Variants in SCAF1 observed in about 807,000 individuals in gnomAD.
SCAF1 encodes the protein splicing factor, arginine/serine-rich 19.
SCAF1 carries 28 observed loss-of-function variants against 91.2 expected under a neutral mutation model. The ratio of observed to expected loss-of-function variants is 0.31; its 90% CI spans 0.23 to 0.42. SCAF1 has a LOEUF of 0.42. SCAF1 is among the 10% of genes least tolerant of loss of function. The pLI, the probability that SCAF1 is intolerant of heterozygous loss-of-function variation, is 1.00. For synonymous variants in SCAF1, 1,036 were observed against 833.7 expected (o/e 1.24, Z -4.18); for missense variants, 1,893 against 1,872.1 (o/e 1.01, Z -0.21).
intron 1 of SCAF1, 144 bp from the exon 2 acceptor site, chr19:49,644,877 G>A (rs2081045652): frequency 9.7e-6 from 6 of 620,572 alleles, no homozygotes; most frequent in Non-Finnish European, 1.7e-5. Context: ...ACAGGGTGGA[G>A]TGGGAGGAGG....
intron 6 of SCAF1, 30 bp from the exon 7 acceptor site, chr19:49,650,838 G>T: frequency 1.3e-6 from 2 of 1,571,104 alleles, no homozygotes; most frequent in South Asian, 2.3e-5. Context: ...CAAAGGCCCT[G>T]ACCGCCTCTC....
chr19:49,653,295 G>A lies in SCAF1; in HGVS notation c.2906G>A (p.Arg969Gln). ...GAGACTTCCTGGTCCGGGGAGGAGCGGGCAGCCAAGGTTCCTAGCACCCCG... is the reference window on the plus strand; with the variant it reads ...GAGACTTCCTGGTCCGGGGAGGAGCAGGCAGCCAAGGTTCCTAGCACCCCG... ...AEETSWSGEE[R>Q]AAKVPSTPPP... Residue 969 changes from arginine to glutamine, a missense_variant, in exon 7 of 11, where the codon CGG (arginine) becomes CAG (glutamine). This residue lies in a region of SCAF1 where 1,436 missense variants were observed against 1,306.8 expected (regional missense o/e 1.10). Transcript: ENST00000360565. The A allele has an allele frequency of 2.7e-6, 4 of 1,467,914 alleles. No individual in the cohort carries two copies. The highest frequency in any genetic ancestry group is 4.9e-5 in the East Asian group (2 of 40,606). The allele number at this position is 1,467,914 out of a possible 1,614,324, so 90.9% of individuals were successfully genotyped here. A position where few individuals can be genotyped will look rare whatever the true frequency, so the allele number is the denominator to read the frequency against.
At chr19:49,643,626 A>C (rs1475656896) in intron 1 of SCAF1, among the ~76,000 whole-genome samples, 2 of 152,202 alleles carry the variant, frequency 1.3e-5, no homozygotes, top group African/African-American at 4.8e-5. Context: ...ATCTTTGTAT[A>C]CTGCAGAGGG....
At position 49,652,880 on chromosome 19, in the gene SCAF1, G is replaced by A. The variant is rs1237388987; in HGVS notation, c.2491G>A (p.Val831Met). ...GTCGTCCTCCTGTTCTTCCCGGAAG[G>A]TGAAGCTGCAGTCCAAGGTGGCGGT... is the stretch of plus-strand genomic sequence containing the variant. ...SSSSSCSSRK[V>M]KLQSKVAVLI... is the part of the protein sequence containing the mutation. The change falls in exon 7 of 11, where the codon GTG (valine) becomes ATG (methionine). Residue 831 changes from valine (V) to methionine (M), a missense_variant. By Grantham distance (21) the Val-to-Met change is conservative. Coordinates refer to ENST00000360565, the MANE Select transcript of SCAF1 (RefSeq NM_021228.3). 1.4e-5 allele frequency: 23 copies of A among 1,613,944 alleles called. No individual in the cohort carries two copies. The highest frequency in any genetic ancestry group is 1.9e-5 in the Non-Finnish European group (22 of 1,180,018).
chr19:49,650,232 G>A (rs1013254771), intron 6 of SCAF1, among the ~76,000 whole-genome samples: 2 of 152,204 alleles, frequency 1.3e-5, no homozygotes, highest in African/African-American at 4.8e-5. Flanking sequence ...AGCTTGGGGT[G>A]AAGACCAGCC....
chr19:49,652,813 G>A lies in SCAF1; in HGVS notation c.2424G>A (p.Pro808=), dbSNP rs771383795. Residue 808 remains proline, a synonymous_variant, in exon 7 of 11, where the codon CCG becomes CCA. Transcript: ENST00000360565. ...AGTCGGCGCCTTCCTCAGGGCCCCC[G>A]CCAAAGCCACCAGTCAGCAGCGGCT... is the stretch of plus-strand genomic sequence containing the variant. ...PKESAPSSGP[P]PKPPVSSGSG... The A allele has an allele frequency of 1.5e-5, 24 of 1,613,814 alleles. No individual in the cohort carries two copies. The highest frequency in any genetic ancestry group is 6.7e-5 in the Admixed American group (4 of 60,002).
rs776277002 is a variant in SCAF1, at chr19:49,654,331, CCT to C, written c.3317-13_3317-12del. ...CACCTCTCCCATCTTCATGTTGTCA[CCT>C]CTCTGCCTCCTGCAGTGACTGCACT... is the stretch of plus-strand genomic sequence containing the variant. On this transcript the variant is annotated splice_polypyrimidine_tract_variant and intron_variant, in intron 7 of 10. Transcript: ENST00000360565. The C allele has an allele frequency of 3.1e-6, 5 of 1,611,076 alleles. No individual in the cohort carries two copies. Among genetic ancestry groups the C allele is most frequent in the Non-Finnish European group, 4.2e-6 (5 of 1,178,202 alleles).
In SCAF1 at chr19:49,650,947, A is replaced by T; in HGVS notation, c.558A>T (p.Pro186=). The T allele has an allele frequency of 1.4e-6, 1 of 732,020 alleles. No homozygotes were observed. Among genetic ancestry groups the T allele is most frequent in the Non-Finnish European group, 1.9e-6 (1 of 527,962 alleles). The allele number at this position is 732,020 out of a possible 1,614,324, so 45.3% of individuals were successfully genotyped here. The change falls in exon 7 of 11, where the codon CCA becomes CCT. Residue 186 remains proline (P), a synonymous_variant. Coordinates refer to ENST00000360565, the MANE Select transcript of SCAF1 (RefSeq NM_021228.3). ...GCACGGGAGACGGGGGCCCTGCCCCACCCCCTGCCCCCTCCTCTGCATCCT... is the reference window on the plus strand; with the variant it reads ...GCACGGGAGACGGGGGCCCTGCCCCTCCCCCTGCCCCCTCCTCTGCATCCT... ...TLGTGDGGPA[P]PPAPSSASSS...
In SCAF1 at chr19:49,651,218, G is replaced by A; in HGVS notation, c.829G>A (p.Glu277Lys). 2 of 1,613,120 alleles carry A rather than the reference G, an allele frequency of 1.2e-6. No individual in the cohort carries two copies. The highest frequency in any genetic ancestry group is 1.3e-5 in the African/African-American group (1 of 74,856). The change falls in exon 7 of 11, where the codon GAA becomes AAA. Residue 277 changes from glutamate (E) to lysine (K), a missense_variant. Physicochemically the swap from Glu to Lys is moderately conservative, Grantham distance 56. Around this residue, in one of 5 missense-constraint regions of SCAF1, gnomAD observed 80 missense variants for 116.6 expected, o/e 0.69. Transcript: ENST00000360565. ...PEEEEEEEEE[E>K]EEEEEDEEEE... ...GGAGGAAGAGGAGGAGGAAGAGGAA[G>A]AAGAAGAGGAAGAGGAAGACGAGGA...
Position 49,653,254 on chromosome 19 carries a change from C to A in SCAF1, c.2865C>A (p.Gly955=). The change falls in exon 7 of 11, where the codon GGC becomes GGA. Residue 955 remains glycine, a synonymous_variant. Transcript: ENST00000360565. ...CGGATAGCTGCAGCCAGGCGGCAGG[C>A]ACCAAGGGGGCGGAGGAGACTTCCT... ...SKADSCSQAA[G]TKGAEETSWS... 6.7e-7 allele frequency: 1 copy of A among 1,489,544 alleles called. No homozygotes were observed. Among genetic ancestry groups the A allele is most frequent in the Non-Finnish European group, 8.9e-7 (1 of 1,118,116 alleles). 92.3% of individuals were successfully genotyped at this position (1,489,544 alleles called of 1,614,324 possible). A position where few individuals can be genotyped will look rare whatever the true frequency, so the allele number is the denominator to read the frequency against.
Position 49,642,700 on chromosome 19 carries a change from G to GC in SCAF1, c.-7+460dup, listed in dbSNP as rs1308959238. 6.6e-6 allele frequency: 1 copy of GC among 152,452 alleles called. No homozygotes were observed. The highest frequency in any genetic ancestry group is 1.5e-5 in the Non-Finnish European group (1 of 68,232). 9.4% of individuals were successfully genotyped at this position (152,452 alleles called of 1,614,324 possible). A position where few individuals can be genotyped will look rare whatever the true frequency, so the allele number is the denominator to read the frequency against. On this transcript the variant is annotated intron_variant, in intron 1 of 10. Transcript: ENST00000360565. The surrounding 1 kb of genome is among the most constrained non-coding windows in gnomAD (Gnocchi z 4.0). ...AGAGTATCTTCAGAGCCATCTAGAG[G>GC]CCTGGGGTATGTCTTTTAGGGCTGG...
intron 1 of SCAF1, among the ~76,000 whole-genome samples, chr19:49,644,645 A>G (rs748487784): frequency 6.6e-6 from 1 of 152,220 alleles, no homozygotes; most frequent in Admixed American, 6.5e-5. Flanking sequence ...AGCACACACA[A>G]AAAACCTTGG....
At position 49,651,762 on chromosome 19, in the gene SCAF1, C is replaced by A; in HGVS notation, c.1373C>A (p.Ala458Asp). ...SLHAESDGEG[A>D]LQVDLGEPAP... ...CATGCGGAGTCGGACGGCGAGGGCG[C>A]CCTGCAGGTGGACCTAGGGGAGCCG... Residue 458 changes from alanine (A) to aspartate (D), a missense_variant, in exon 7 of 11, where the codon GCC becomes GAC. By Grantham distance (126) the Ala-to-Asp change is moderately radical. Around this residue, in one of 5 missense-constraint regions of SCAF1, gnomAD observed 1,436 missense variants for 1,306.8 expected, o/e 1.10. Coordinates refer to ENST00000360565, the MANE Select transcript of SCAF1 (RefSeq NM_021228.3). The A allele has an allele frequency of 7.5e-7, 1 of 1,329,164 alleles. No homozygotes were observed. The highest frequency in any genetic ancestry group is 9.6e-7 in the Non-Finnish European group (1 of 1,045,908). The allele number at this position is 1,329,164 out of a possible 1,614,324, so 82.3% of individuals were successfully genotyped here. A position where few individuals can be genotyped will look rare whatever the true frequency, so the allele number is the denominator to read the frequency against.
Position 49,642,877 on chromosome 19 carries a change from T to C in SCAF1, c.-7+635T>C, listed in dbSNP as rs185109600. 6.6e-6 allele frequency among the ~76,000 whole-genome samples: 1 copy of C among 152,262 alleles called. No homozygotes were observed. Among genetic ancestry groups the C allele is most frequent in the East Asian group, 1.9e-4 (1 of 5,184 alleles). ...GCCCACCAGGGAAGGGCGCCAAATA[T>C]TGAGATGTACTGAGGGTCTGGGGTC... On this transcript the variant is annotated intron_variant, in intron 1 of 10. Coordinates refer to ENST00000360565, the MANE Select transcript of SCAF1 (RefSeq NM_021228.3). This position sits in a 1 kb window ranked among gnomAD's most constrained non-coding sequence, Gnocchi z 4.0.
At chr19:49,655,930 C>T (rs767753072) in intron 9 of SCAF1, among the ~76,000 whole-genome samples, 1 of 152,236 alleles carries the variant, frequency 6.6e-6, no homozygotes, top group Non-Finnish European at 1.5e-5. Context: ...CTCAGCCTCC[C>T]AAAGTGCTGG....
At position 49,646,568 on chromosome 19, in the gene SCAF1, A is replaced by G. The variant is rs771848268; in HGVS notation, c.304A>G (p.Ser102Gly). The G allele has an allele frequency of 7.4e-6, 12 of 1,613,882 alleles. No individual in the cohort carries two copies. In the African/African-American group the frequency reaches 9.4e-5, roughly 13 times the overall value. Residue 102 changes from serine to glycine, a missense_variant, in exon 5 of 11, where the codon AGT becomes GGT. Physicochemically the swap from Ser to Gly is moderately conservative, Grantham distance 56 (BLOSUM62 0). This residue lies in a region of SCAF1 where 270 missense variants were observed against 292.5 expected (regional missense o/e 0.92). Coordinates refer to ENST00000360565, the MANE Select transcript of SCAF1 (RefSeq NM_021228.3). This position sits in a 1 kb window ranked among gnomAD's most constrained non-coding sequence, Gnocchi z 5.6. ...GGACAGCTTCCTCGCAGGGCTGGTG[A>G]GTGTCCTGGATCCCCCGGATACCTG... ...ATDSFLAGLV[S>G]VLDPPDTWVP...
Position 49,642,406 on chromosome 19 carries a change from G to A in SCAF1, c.-7+164G>A, listed in dbSNP as rs2081031908. On this transcript the variant is annotated intron_variant, in intron 1 of 10. Transcript: ENST00000360565. This position sits in a 1 kb window ranked among gnomAD's most constrained non-coding sequence, Gnocchi z 4.0. ...GGCAGCTGCGGCGAAACCTGGCGCC[G>A]AGAGGGGGGCCTTCTCAGGGCCCCG... Among the ~76,000 whole-genome samples the A allele has an allele frequency of 6.6e-6, 1 of 152,194 alleles. No individual in the cohort carries two copies. The highest frequency in any genetic ancestry group is 2.4e-5 in the African/African-American group (1 of 41,450).
chr19:49,658,371 G>T lies in SCAF1; in HGVS notation c.3911G>T (p.Gly1304Val), dbSNP rs1481261765. 9.1e-6 allele frequency: 14 copies of T among 1,543,390 alleles called. No individual in the cohort carries two copies. The highest frequency in any genetic ancestry group is 5.9e-5 in the Admixed American group (3 of 50,834). The change falls in exon 11 of 11, where the codon GGC becomes GTC. Residue 1304 changes from glycine to valine, a missense_variant. Coordinates refer to ENST00000360565, the MANE Select transcript of SCAF1 (RefSeq NM_021228.3). ...GAGCCAGGGCCCCCAGACAAGGGTGGCCCGGGCCTGCCCCTGCCCCCTCTC... is the reference window on the plus strand; with the variant it reads ...GAGCCAGGGCCCCCAGACAAGGGTGTCCCGGGCCTGCCCCTGCCCCCTCTC... ...PKEPGPPDKG[G>V]PGLPLPPL
chr19:49,645,079 G>A lies in SCAF1; in HGVS notation c.53G>A (p.Arg18Gln), dbSNP rs115252174. The A allele has an allele frequency of 4.3e-4, 697 of 1,614,150 alleles. 4 individuals carry two copies. In the African/African-American group the frequency reaches 7.8e-3, roughly 18 times the overall value. Reference protein sequence around the residue: ...RGKTEESGEDRGDGPPDRDPT... With the variant: ...RGKTEESGEDQGDGPPDRDPT... ...AAGACAGAGGAGTCGGGGGAGGATC[G>A]GGGCGATGGTCCGCCAGACAGAGAC... The change falls in exon 2 of 11, where the codon CGG (arginine) becomes CAG (glutamine). Residue 18 changes from arginine (R) to glutamine (Q), a missense_variant. Physicochemically the swap from Arg to Gln is conservative, Grantham distance 43. Coordinates refer to ENST00000360565, the MANE Select transcript of SCAF1 (RefSeq NM_021228.3). The surrounding 1 kb of genome is among the most constrained non-coding windows in gnomAD (Gnocchi z 4.6).
Sources: allele counts gnomAD v4.1 joint callset (sites outside exome capture counted in the v4.1 genomes callset), GRCh38; gene constraint gnomAD v4.1.1; regional missense constraint gnomAD v4.1.1; non-coding constraint Gnocchi (gnomAD v3.1); transcripts MANE v1.5; gene names NCBI Gene and HGNC (gene_info 2026-07-23, HGNC 2026-07-21).